Variants in CLIP2 observed in about 807,000 individuals in gnomAD.
The protein encoded by CLIP2 is CAP-Gly domain containing linker protein 2, also known as CAP-Gly domain-containing linker protein 2.
Under a neutral mutation model 111.7 loss-of-function variants are expected in CLIP2, and 41 were observed. The ratio of observed to expected loss-of-function variants is 0.37; its 90% confidence interval spans 0.29 to 0.48. CLIP2 has a LOEUF of 0.48. Among genes scored for constraint, CLIP2 ranks in the 20% least tolerant of loss-of-function variants. The pLI, the probability that CLIP2 is intolerant of heterozygous loss-of-function variation, is 0.99. For missense variants in CLIP2, 1,160 were observed against 1,422.1 expected (o/e 0.82, Z 2.96); for synonymous variants, 660 against 644.2 (o/e 1.02, Z -0.37).
chr7:74,375,467 C>T (rs2116653578), intron 9 of CLIP2, among the ~76,000 whole-genome samples: 1 of 140,108 alleles, frequency 7.1e-6, no homozygotes, highest in Middle Eastern at 3.8e-3. Flanking sequence ...GCAGGAGAAT[C>T]GCTTGAACCT....
At chr7:74,391,971 C>T (rs1275866076) in intron 13 of CLIP2, among the ~76,000 whole-genome samples, 4 of 152,064 alleles carry the variant, frequency 2.6e-5, no homozygotes, top group Non-Finnish European at 4.4e-5. Flanking sequence ...CTTTGGGAGG[C>T]GGAGACTGGA....
chr7:74,359,517 C>A (rs1364004534), intron 6 of CLIP2, among the ~76,000 whole-genome samples: 1 of 151,608 alleles, frequency 6.6e-6, no homozygotes, highest in Non-Finnish European at 1.5e-5. Flanking sequence ...CCACGCCCAG[C>A]TAATGTTTTT....
At chr7:74,314,836 A>T (rs1554728923) in intron 1 of CLIP2, among the ~76,000 whole-genome samples, 1 of 151,974 alleles carries the variant, frequency 6.6e-6, no homozygotes, top group Non-Finnish European at 1.5e-5. Flanking sequence ...GGGCTTGTCC[A>T]CCCCTCCGGC....
rs1554314839 is a variant in CLIP2 at position 74,386,601 on chromosome 7, A to G, written c.2560A>G (p.Ser854Gly). Residue 854 changes from serine to glycine, a missense_variant, in exon 12 of 17, where the codon AGT (serine) becomes GGT (glycine). Physicochemically the swap from Ser to Gly is moderately conservative, Grantham distance 56. Coordinates refer to ENST00000223398, the MANE Select transcript of CLIP2 (RefSeq NM_003388.5). Reference protein sequence around the residue: ...SQTEMLRAQVSALESKCKSGE... With the variant: ...SQTEMLRAQVGALESKCKSGE... ...GACCGAGATGCTCAGGGCCCAAGTA[A>G]GTGGTAAGTCTCCCTCCCGCAGGGC... The G allele has an allele frequency of 6.2e-7, 1 of 1,604,966 alleles. No individual in the cohort carries two copies. The highest frequency in any genetic ancestry group is 8.5e-7 in the Non-Finnish European group (1 of 1,176,598).
intron 14 of CLIP2, among the ~76,000 whole-genome samples, chr7:74,400,149 C>CAAAA (rs781818573): frequency 1.6e-4 from 9 of 55,536 alleles, no homozygotes; most frequent in African/African-American, 5.7e-4. Context: ...GACTCTGTCT[C>CAAAA]AAAAAAAAAA....
intron 1 of CLIP2, among the ~76,000 whole-genome samples, chr7:74,291,248 C>G (rs2116430255): frequency 6.6e-6 from 1 of 152,208 alleles, no homozygotes; most frequent in East Asian, 1.9e-4. Flanking sequence ...CTGGGAGGAG[C>G]CTCCTCCACA....
rs201873846 is a variant in CLIP2, at chr7:74,401,581, C to T, written c.3129+14C>T. ...CAGAAACAAGAGGTGAGGGGCGCCT[C>T]GGGCCTCCCAGGTCCCTCCCGTGCA... is the stretch of plus-strand genomic sequence containing the variant. On this transcript the variant is annotated intron_variant, in intron 16 of 16. Transcript: ENST00000223398. The T allele has an allele frequency of 1.1e-3, 1,801 of 1,613,172 alleles. 2 individuals are homozygous for T. The highest frequency in any genetic ancestry group is 1.4e-3 in the Non-Finnish European group (1,686 of 1,179,622).
rs1321583600 is a variant in CLIP2, at chr7:74,405,549, A to G, written c.*1701A>G. ...CCTGTTGGCTTTCGGTAGCTCTCGC[A>G]TGCAGTTCTATTAACAGCCGTCTAG... On this transcript the variant is annotated 3_prime_UTR_variant, in exon 17 of 17. Coordinates refer to ENST00000223398, the MANE Select transcript of CLIP2 (RefSeq NM_003388.5). 6 of 152,894 alleles carry G rather than the reference A, an allele frequency of 3.9e-5. No individual in the cohort carries two copies. Among genetic ancestry groups the G allele is most frequent in the African/African-American group, 1.2e-4 (5 of 41,574 alleles). The allele number at this position is 152,894 out of a possible 1,614,324, so 9.5% of individuals were successfully genotyped here. A position where few individuals can be genotyped will look rare whatever the true frequency, so the allele number is the denominator to read the frequency against.
At chr7:74,318,114 C>G (rs2116503344) in intron 2 of CLIP2, among the ~76,000 whole-genome samples, 1 of 151,768 alleles carries the variant, frequency 6.6e-6, no homozygotes, top group South Asian at 2.1e-4. Context: ...AGGAGAATCG[C>G]CTGGGCAACA....
intron 12 of CLIP2, 121 bp from the exon 13 acceptor site, chr7:74,388,982 G>A (rs991272669): frequency 2.5e-6 from 3 of 1,188,418 alleles, no homozygotes; most frequent in South Asian, 3.1e-5. Flanking sequence ...ACTATGCAGT[G>A]GGGTATGTCA....
intron 13 of CLIP2, among the ~76,000 whole-genome samples, chr7:74,394,828 G>A (rs532455673): frequency 6.6e-6 from 1 of 152,292 alleles, no homozygotes; most frequent in East Asian, 1.9e-4. Flanking sequence ...CCTGGCCAGG[G>A]TTCCAGGGCT....
intron 1 of CLIP2, among the ~76,000 whole-genome samples, chr7:74,293,899 C>T (rs1453958969): frequency 1.0e-4 from 15 of 150,016 alleles, no homozygotes; most frequent in African/African-American, 2.7e-4. Context: ...CAACCGGCAG[C>T]GTGGGACTCG....
chr7:74,348,491 TA>T (rs1400029860), intron 3 of CLIP2, among the ~76,000 whole-genome samples: 1 of 149,470 alleles, frequency 6.7e-6, no homozygotes, highest in Non-Finnish European at 1.5e-5. Flanking sequence ...CCCTGTCTCT[TA>T]AAAAAAGAAT....
intron 7 of CLIP2, among the ~76,000 whole-genome samples, chr7:74,362,146 C>T (rs1261670654): frequency 1.3e-5 from 2 of 152,046 alleles, no homozygotes; most frequent in African/African-American, 2.4e-5. Context: ...TCCCCTGCAG[C>T]CCTCCAACCA....
chr7:74,332,635 T>C (rs1271964374), intron 2 of CLIP2, among the ~76,000 whole-genome samples: 2 of 151,990 alleles, frequency 1.3e-5, no homozygotes, highest in Non-Finnish European at 2.9e-5. Flanking sequence ...CAGGAAAGGC[T>C]TCTCTGAGGA....
intron 2 of CLIP2, among the ~76,000 whole-genome samples, chr7:74,330,375 G>C (rs1371177337): frequency 6.6e-6 from 1 of 151,050 alleles, no homozygotes; most frequent in Admixed American, 6.7e-5. Context: ...TCCTTCCTCA[G>C]CCTTCCGAGT....
chr7:74,344,109 A>T (rs1264984456), intron 3 of CLIP2, among the ~76,000 whole-genome samples: 5 of 152,084 alleles, frequency 3.3e-5, no homozygotes, highest in African/African-American at 1.2e-4. Context: ...GTTTAACCCT[A>T]GTTTGATCCC....
chr7:74,293,691 C>T (rs1364737325), intron 1 of CLIP2, among the ~76,000 whole-genome samples: 6 of 152,158 alleles, frequency 3.9e-5, no homozygotes, highest in African/African-American at 1.2e-4. Context: ...GAGGCAGACC[C>T]GTGGTCAATT....
At chr7:74,326,425 G>A (rs1364014430) in intron 2 of CLIP2, among the ~76,000 whole-genome samples, 2 of 152,168 alleles carry the variant, frequency 1.3e-5, no homozygotes, top group African/African-American at 4.8e-5. Flanking sequence ...TGGATGGGAG[G>A]AGGACATACC....
Sources: gnomAD v4.1 joint callset for allele counts (sites outside exome capture counted in the v4.1 genomes callset) on GRCh38, gnomAD v4.1.1 for gene constraint, MANE v1.5 for transcripts, NCBI Gene and HGNC (gene_info 2026-07-23, HGNC 2026-07-21) for gene names.